The following HELLS variants were observed in gnomAD, a reference collection of about 807,000 sequenced individuals.
HELLS encodes helicase, lymphoid specific, also known as lymphoid-specific helicase.
Under a neutral mutation model 120.0 loss-of-function variants are expected in HELLS, and 32 were observed. That is an observed-to-expected ratio of 0.27 (90% CI 0.20 to 0.36). The LOEUF (loss-of-function observed/expected upper bound fraction) is 0.36, where lower values mean the gene tolerates loss of function less well. Ranked by LOEUF, HELLS falls within the 10% of genes least tolerant of loss-of-function variation. The probability of loss-of-function intolerance (pLI) is 1.00; values close to 1 mark genes in which losing one functional copy is unlikely to be tolerated. For synonymous variants in HELLS, 341 were observed against 323.4 expected, an observed-to-expected ratio of 1.05 and a Z score of -0.58; for missense variants, 650 against 993.4, an observed-to-expected ratio of 0.65 and a Z score of 4.65.
chr10:94,568,925 T>C (rs1843980713), intron 6 of HELLS, among the ~76,000 whole-genome samples: 1 of 151,674 alleles, frequency 6.6e-6, no homozygotes, highest in African/African-American at 2.4e-5. Flanking sequence ...CACAGCAACA[T>C]CCGCCTCTCA....
chr10:94,574,886 C>A, intron 9 of HELLS, 150 bp downstream of exon 9: 1 of 589,544 alleles, frequency 1.7e-6, no homozygotes, highest in Non-Finnish European at 2.9e-6. Flanking sequence ...TGCACAATAC[C>A]CTAATTTAAA....
chr10:94,590,338 C>T, intron 13 of HELLS, 75 bp from the exon 14 acceptor site: 1 of 1,207,762 alleles, frequency 8.3e-7, no homozygotes, highest in Non-Finnish European at 1.2e-6. Flanking sequence ...ATAAAATATG[C>T]CTTATTTTGT....
intron 10 of HELLS, among the ~76,000 whole-genome samples, chr10:94,579,338 C>T (rs1844698863): frequency 6.6e-6 from 1 of 151,228 alleles, no homozygotes; most frequent in African/African-American, 2.4e-5. Context: ...GTAGTTGGGA[C>T]TACAGGTGCC....
intron 9 of HELLS, among the ~76,000 whole-genome samples, chr10:94,608,426 A>G (rs950398736): frequency 8.5e-5 from 13 of 152,134 alleles, no homozygotes; most frequent in African/African-American, 2.7e-4. Context: ...AGCACCCTAA[A>G]AGAGTAGCAT....
chr10:94,556,963 G>GC (rs1200832356), intron 3 of HELLS, among the ~76,000 whole-genome samples: 2 of 152,170 alleles, frequency 1.3e-5, no homozygotes, highest in African/African-American at 4.8e-5. Context: ...TTTTGCCCTT[G>GC]CTATTTTATG....
chr10:94,571,011 T>A (rs1589727265), intron 6 of HELLS: 2 of 173,652 alleles, frequency 1.2e-5, no homozygotes, highest in East Asian at 3.6e-4. Flanking sequence ...TTCTTTGCTT[T>A]TAAAAAAATA....
downstream of HELLS, among the ~76,000 whole-genome samples, chr10:94,605,954 T>A (rs1392861327): frequency 3.3e-5 from 5 of 152,052 alleles, no homozygotes. Context: ...TGATTTCCAG[T>A]CTGTTGAAGG....
At chr10:94,589,616 T>C (rs936502545) in intron 13 of HELLS, among the ~76,000 whole-genome samples, 9 of 152,124 alleles carry the variant, frequency 5.9e-5, no homozygotes, top group Admixed American at 3.9e-4. Flanking sequence ...ACGTATTTTC[T>C]TTTCAAAATA....
chr10:94,578,697 A>T (rs535761770), intron 10 of HELLS, among the ~76,000 whole-genome samples: 1 of 152,188 alleles, frequency 6.6e-6, no homozygotes, highest in Non-Finnish European at 1.5e-5. Flanking sequence ...TCTCAAAATA[A>T]TAATAATTTT....
At chr10:94,603,798 A>G (rs1846093799), downstream of HELLS, among the ~76,000 whole-genome samples, 1 of 151,998 alleles carries the variant, frequency 6.6e-6, no homozygotes, top group African/African-American at 2.4e-5. Flanking sequence ...CTGATTCTAA[A>G]GGAAATCTTG....
In HELLS at chr10:94,593,515, C is replaced by T. The variant is rs772237527; in HGVS notation, c.1988C>T (p.Thr663Met). The change falls in exon 18 of 22, where the codon ACG (threonine) becomes ATG (methionine). Residue 663 changes from threonine to methionine, a missense_variant. Transcript: ENST00000348459. ...TGCTTTTAGATGCACAGCTTCAACACGGATCCAGAGGTGTTTATCTTCTTA... is the reference window on the plus strand; with the variant it reads ...TGCTTTTAGATGCACAGCTTCAACATGGATCCAGAGGTGTTTATCTTCTTA... ...EREKNMHSFN[T>M]DPEVFIFLVS... The T allele has an allele frequency of 8.7e-6, 14 of 1,611,502 alleles. No homozygotes were observed. The highest frequency in any genetic ancestry group is 5.0e-5 in the Admixed American group (3 of 60,004).
At chr10:94,577,174 T>C (rs1844532606) in intron 10 of HELLS, 1 of 378,420 alleles carries the variant, frequency 2.6e-6, no homozygotes, top group Admixed American at 3.9e-5. Flanking sequence ...TTTTAGAGTA[T>C]CTTATTGGAC....
rs368108169 is a variant in HELLS at position 94,593,106 on chromosome 10, T to C, written c.1972-393T>C. On this transcript the variant is annotated intron_variant, in intron 17 of 21. Coordinates refer to ENST00000348459, the MANE Select transcript of HELLS (RefSeq NM_018063.5). ...GCTGAATCTTTCTGACAAATGCATATGTAAATTTATACCTAACCCCTATTA... is the reference window on the plus strand; with the variant it reads ...GCTGAATCTTTCTGACAAATGCATACGTAAATTTATACCTAACCCCTATTA... Among the ~76,000 whole-genome samples, 369 of 152,334 alleles carry C rather than the reference T, an allele frequency of 2.4e-3. 15 individuals carry two copies. In the South Asian group the frequency reaches 0.073, roughly 30 times the overall value.
intron 10 of HELLS, among the ~76,000 whole-genome samples, chr10:94,579,605 G>A (rs138667754): frequency 1.3e-5 from 2 of 151,306 alleles, no homozygotes; most frequent in Admixed American, 6.6e-5. Flanking sequence ...CCTGTGGCAC[G>A]ATCTCAGCTC....
rs746327837 is a variant in HELLS at position 94,588,367 on chromosome 10, G to A, written c.1465G>A (p.Ala489Thr). 13 of 1,605,370 alleles carry A rather than the reference G, an allele frequency of 8.1e-6. No individual in the cohort carries two copies. The highest frequency in any genetic ancestry group is 1.7e-5 in the Admixed American group (1 of 58,592). The change falls in exon 13 of 22, where the codon GCA (alanine) becomes ACA (threonine). Residue 489 changes from alanine to threonine, a missense_variant. Ala to Thr is a moderately conservative substitution (Grantham distance 58). This residue lies in a region of HELLS where 191 missense variants were observed against 259.7 expected (regional missense o/e 0.74). Transcript: ENST00000348459. ...TACAGCCATTGTGAACCGTACAATT[G>A]CAAACATGTTTGGATCCAGTGAGGT... ...FYTAIVNRTI[A>T]NMFGSSEKET...
At chr10:94,613,421 C>T (rs571938959) in exon 10 of HELLS, 1 of 152,192 alleles carries the variant, frequency 6.6e-6, no homozygotes, top group South Asian at 2.1e-4. Flanking sequence ...CTGCTTTCAT[C>T]TTAAACATTT....
At chr10:94,575,575 A>C (rs1213101309) in intron 9 of HELLS, among the ~76,000 whole-genome samples, 3 of 151,962 alleles carry the variant, frequency 2.0e-5, no homozygotes. Flanking sequence ...GGCGCACACC[A>C]CAAGGCCAGG....
At chr10:94,605,449 C>T (rs1043437373), downstream of HELLS, among the ~76,000 whole-genome samples, 1 of 151,988 alleles carries the variant, frequency 6.6e-6, no homozygotes, top group African/African-American at 2.4e-5. Flanking sequence ...CTTGTGTTTT[C>T]CCAAGAAAAG....
At chr10:94,561,777 T>G (rs142657477) in intron 4 of HELLS, among the ~76,000 whole-genome samples, 197 of 152,212 alleles carry the variant, frequency 1.3e-3, no homozygotes, top group African/African-American at 4.3e-3. Context: ...AGAAACTGTT[T>G]CTTAACATCT....
Sources: allele counts gnomAD v4.1 joint callset (sites outside exome capture counted in the v4.1 genomes callset), GRCh38; gene constraint gnomAD v4.1.1; regional missense constraint gnomAD v4.1.1; transcripts MANE v1.5; gene names NCBI Gene and HGNC (gene_info 2026-07-23, HGNC 2026-07-21).